The following DOC2B variants were observed in gnomAD, a reference collection of about 807,000 sequenced individuals.
DOC2B encodes the protein double C2-like domain-containing protein beta.
DOC2B carries 21 observed loss-of-function variants against 28.9 expected under a neutral mutation model. The ratio of observed to expected loss-of-function variants is 0.73; its 90% confidence interval spans 0.52 to 1.05. The LOEUF (loss-of-function observed/expected upper bound fraction) is 1.05. Among genes scored for constraint, DOC2B ranks in the 50% least tolerant of loss-of-function variants. DOC2B has a pLI of 0.00. For missense variants in DOC2B, 384 were observed against 421.1 expected (o/e 0.91, Z 0.77); for synonymous variants, 194 against 178.1 (o/e 1.09, Z -0.71).
intron 5 of DOC2B, among the ~76,000 whole-genome samples, chr17:158,620 A>G (rs1555522854): frequency 7.2e-5 from 11 of 152,238 alleles, no homozygotes. Flanking sequence ...GTGCTCAGGC[A>G]GCCATTCCTG....
At chr17:178,503 G>A (rs2040394597) in intron 1 of DOC2B, among the ~76,000 whole-genome samples, 1 of 152,226 alleles carries the variant, frequency 6.6e-6, no homozygotes, top group South Asian at 2.1e-4. Context: ...CGTGTGGGGT[G>A]TGTGGCCCAC....
chr17:173,326 T>TTGGAAG (rs1357540669), intron 1 of DOC2B, among the ~76,000 whole-genome samples: 9 of 151,974 alleles, frequency 5.9e-5, no homozygotes, highest in African/African-American at 2.2e-4. Flanking sequence ...CAGAAGCGGC[T>TTGGAAG]CCCAGCATGG....
Position 143,956 on chromosome 17 carries a change from C to G in DOC2B, c.*3485G>C, listed in dbSNP as rs959870068. On this transcript the variant is annotated 3_prime_UTR_variant, in exon 9 of 9. Coordinates refer to ENST00000613549, the MANE Select transcript of DOC2B (RefSeq NM_003585.5). ...GAAGGAACAACGGGCTCGGCATGCA[C>G]GGCCCGGGCTCGGCGGGCGGACGGG... is the stretch of plus-strand genomic sequence containing the variant. The G allele has an allele frequency of 4.6e-5, 7 of 152,456 alleles. No homozygotes were observed. Among genetic ancestry groups the G allele is most frequent in the Non-Finnish European group, 7.3e-5 (5 of 68,040 alleles). 9.4% of individuals were successfully genotyped at this position (152,456 alleles called of 1,614,324 possible). A position where few individuals can be genotyped will look rare whatever the true frequency, so the allele number is the denominator to read the frequency against.
rs1342850805 is a variant in DOC2B, at chr17:143,204, T to C, written c.*4237A>G. ...GTATTTTAACCTCTCTGGGCCTTAG[T>C]TTCCCCATCTGTAACTTGAGGGCCT... On this transcript the variant is annotated 3_prime_UTR_variant, in exon 9 of 9. Transcript: ENST00000613549. 2 of 152,208 alleles carry C rather than the reference T, an allele frequency of 1.3e-5. No homozygotes were observed. The highest frequency in any genetic ancestry group is 2.9e-5 in the Non-Finnish European group (2 of 68,048). 9.4% of individuals were successfully genotyped at this position (152,208 alleles called of 1,614,324 possible). A position where few individuals can be genotyped will look rare whatever the true frequency, so the allele number is the denominator to read the frequency against.
Position 161,403 on chromosome 17 carries a change from C to G in DOC2B, c.765+12G>C, listed in dbSNP as rs1056747871. On this transcript the variant is annotated intron_variant, in intron 5 of 8. Transcript: ENST00000613549. The stretch of plus-strand genomic sequence containing the variant: ...GCCAGGTACACAGCAGGTGCTCAAT[C>G]AATCCTCTCACCGGCAGCTGCTTCT... 2 of 1,551,510 alleles carry G rather than the reference C, an allele frequency of 1.3e-6. No individual in the cohort carries two copies. Among genetic ancestry groups the G allele is most frequent in the African/African-American group, 2.7e-5 (2 of 73,046 alleles).
At chr17:177,286 A>G (rs1339263388) in intron 1 of DOC2B, among the ~76,000 whole-genome samples, 3 of 152,112 alleles carry the variant, frequency 2.0e-5, no homozygotes, top group African/African-American at 7.2e-5. Flanking sequence ...TAAATTGTTG[A>G]AAGGTTCTCC....
intron 6 of DOC2B, among the ~76,000 whole-genome samples, chr17:149,692 G>C (rs2040052312): frequency 1.3e-5 from 2 of 152,190 alleles, no homozygotes; most frequent in African/African-American, 2.4e-5. Flanking sequence ...TTTCAGTAGA[G>C]ACAGGGTTTC....
At chr17:160,594 G>C (rs190972035) in intron 5 of DOC2B, among the ~76,000 whole-genome samples, 1 of 152,288 alleles carries the variant, frequency 6.6e-6, no homozygotes, top group East Asian at 1.9e-4. Context: ...CCATCGAGGG[G>C]ACCATGCCTC....
intron 3 of DOC2B, 112 bp from the exon 4 acceptor site, chr17:162,302 T>A (rs1555523378): frequency 1.3e-6 from 1 of 774,630 alleles, no homozygotes; most frequent in East Asian, 2.7e-5. Context: ...GTTATCAACA[T>A]GGCCAAGTGG....
chr17:148,968 T>A, intron 7 of DOC2B, 143 bp downstream of exon 7: 943 of 220,222 alleles, frequency 4.3e-3, no homozygotes, highest in Non-Finnish European at 5.4e-3. Context: ...CCAGCTCCCC[T>A]GTGTCTGTGG....
At chr17:176,418 A>C (rs990005430) in intron 1 of DOC2B, among the ~76,000 whole-genome samples, 5 of 151,976 alleles carry the variant, frequency 3.3e-5, no homozygotes, top group African/African-American at 1.2e-4. Flanking sequence ...GGTAGGTCTC[A>C]CTACGTTGCT....
intron 6 of DOC2B, among the ~76,000 whole-genome samples, chr17:151,868 GC>G (rs2040075998): frequency 6.6e-6 from 1 of 152,014 alleles, no homozygotes; most frequent in South Asian, 2.2e-4. Context: ...GGCACCTTCA[GC>G]CATGGACAGT....
In DOC2B at chr17:146,623, C is replaced by G. The variant is rs2040021147; in HGVS notation, c.*818G>C. 1 of 152,336 alleles carries G rather than the reference C, an allele frequency of 6.6e-6. No homozygotes were observed. The highest frequency in any genetic ancestry group is 2.1e-4 in the South Asian group (1 of 4,836). 9.4% of individuals were successfully genotyped at this position (152,336 alleles called of 1,614,324 possible). ...TTCTCTCTCCAGGCGTTTTAGACCA[C>G]TCCCACTGCCTGGACTGCTTTTAGA... is the stretch of plus-strand genomic sequence containing the variant. On this transcript the variant is annotated 3_prime_UTR_variant, in exon 9 of 9. Transcript: ENST00000613549.
At chr17:180,513 G>C (rs2040427940) in intron 1 of DOC2B, among the ~76,000 whole-genome samples, 1 of 152,134 alleles carries the variant, frequency 6.6e-6, no homozygotes, top group South Asian at 2.1e-4. Flanking sequence ...AAACGCCAAG[G>C]TTTTTCCAAA....
At chr17:152,771 A>G (rs34245596) in intron 6 of DOC2B, among the ~76,000 whole-genome samples, 111,673 of 151,962 alleles carry the variant, frequency 0.73, 41,899 homozygotes, top group East Asian at 0.86. Context: ...TCACTGTCTC[A>G]AAAAAGAAAG....
rs2040010052 is a variant in DOC2B at position 145,183 on chromosome 17, G to C, written c.*2258C>G. 2.0e-5 allele frequency: 3 copies of C among 152,190 alleles called. No individual in the cohort carries two copies. The highest frequency in any genetic ancestry group is 7.2e-5 in the African/African-American group (3 of 41,402). 9.4% of individuals were successfully genotyped at this position (152,190 alleles called of 1,614,324 possible). A position where few individuals can be genotyped will look rare whatever the true frequency, so the allele number is the denominator to read the frequency against. On this transcript the variant is annotated 3_prime_UTR_variant, in exon 9 of 9. Transcript: ENST00000613549. Reference sequence around the variant, plus strand: ...TAGCACGGATGGTTTCAAAGCCAGCGGATGAGGTGGCAGGACAGTGACAAG... The same window carrying C: ...TAGCACGGATGGTTTCAAAGCCAGCCGATGAGGTGGCAGGACAGTGACAAG...
At chr17:164,281 C>T in intron 2 of DOC2B, 77 bp from the exon 3 acceptor site, 2 of 1,155,156 alleles carry the variant, frequency 1.7e-6, no homozygotes, top group African/African-American at 1.5e-5. Flanking sequence ...TGCCCTTGTC[C>T]CCTGGGTCTC....
At chr17:162,821 C>T (rs1017351314) in intron 3 of DOC2B, among the ~76,000 whole-genome samples, 1 of 152,228 alleles carries the variant, frequency 6.6e-6, no homozygotes, top group African/African-American at 2.4e-5. Flanking sequence ...CCAGGGCATT[C>T]CCTGCCTTTG....
At chr17:161,629 T>C in intron 4 of DOC2B, 88 bp from the exon 5 acceptor site, 1 of 1,526,994 alleles carries the variant, frequency 6.5e-7, no homozygotes, top group Non-Finnish European at 8.8e-7. Context: ...CAGCCCTGGC[T>C]TCTCCTGCCC....
Sources: allele counts gnomAD v4.1 joint callset (sites outside exome capture counted in the v4.1 genomes callset), GRCh38; gene constraint gnomAD v4.1.1; transcripts MANE v1.5; gene names NCBI Gene and HGNC (gene_info 2026-07-23, HGNC 2026-07-21).